The following PCDHGA4 variants were observed in gnomAD, a reference collection of about 807,000 sequenced individuals.
The protein encoded by PCDHGA4 is protocadherin gamma-A4.
Under a neutral mutation model 54.6 loss-of-function variants are expected in PCDHGA4, and 38 were observed. The observed-to-expected ratio is 0.70, with a 90% CI of 0.54 to 0.91. The LOEUF is 0.91. Ranked by LOEUF, PCDHGA4 falls within the 40% of genes least tolerant of loss-of-function variation. PCDHGA4 has a pLI of 0.00. For synonymous variants in PCDHGA4, 511 were observed against 512.9 expected (o/e 1.00, Z 0.05); for missense variants, 1,298 against 1,220.9 (o/e 1.06, Z -0.94).
intron 1 of PCDHGA4, chr5:141,403,058 C>T (rs1264463559): frequency 1.9e-6 from 3 of 1,613,942 alleles, no homozygotes; most frequent in African/African-American, 2.7e-5. Context: ...CTACTCAGTG[C>T]CTGAAGAGAC....
rs183723314 is a variant in PCDHGA4 at position 141,375,046 on chromosome 5, C to T, written c.2514+17425C>T. The T allele has an allele frequency of 2.1e-4, 333 of 1,613,912 alleles. 2 individuals are homozygous for T. The African/African-American group carries it at 4.0e-3, about 19-fold the overall frequency. The stretch of plus-strand genomic sequence containing the variant: ...GTTTTTATGAGCTGGGTGTTGAAGC[C>T]CGGGATGGGCCAGGTCTTCGAGACA... On this transcript the variant is annotated intron_variant, in intron 1 of 3. Coordinates refer to ENST00000571252, the MANE Select transcript of PCDHGA4 (RefSeq NM_018917.4).
intron 1 of PCDHGA4, chr5:141,366,577 C>A (rs376647678): frequency 1.2e-6 from 2 of 1,614,118 alleles, no homozygotes; most frequent in African/African-American, 2.7e-5. Context: ...TTCGGGCTTT[C>A]CTGCAGACCT....
chr5:141,472,095 C>T (rs1186697747), intron 1 of PCDHGA4, among the ~76,000 whole-genome samples: 1 of 151,998 alleles, frequency 6.6e-6, no homozygotes, highest in African/African-American at 2.4e-5. Flanking sequence ...TATTATTATT[C>T]CCATTTTATA....
At position 141,415,074 on chromosome 5, in the gene PCDHGA4, G is replaced by C; in HGVS notation, c.2514+57453G>C. 3 of 1,613,448 alleles carry C rather than the reference G, an allele frequency of 1.9e-6. No homozygotes were observed. In the South Asian group the frequency reaches 3.3e-5, roughly 18 times the overall value. On this transcript the variant is annotated intron_variant, in intron 1 of 3. Coordinates refer to ENST00000571252, the MANE Select transcript of PCDHGA4 (RefSeq NM_018917.4). ...AGCACACGGGCGAGGTGCGCACGGCGCGAGCCCTGCTGGACAGAGACGCGC... is the reference window on the plus strand; with the variant it reads ...AGCACACGGGCGAGGTGCGCACGGCCCGAGCCCTGCTGGACAGAGACGCGC...
chr5:141,373,015 TG>T (rs1769262754), intron 1 of PCDHGA4, among the ~76,000 whole-genome samples: 1 of 152,232 alleles, frequency 6.6e-6, no homozygotes, highest in Non-Finnish European at 1.5e-5. Flanking sequence ...AGCCTCCTTT[TG>T]ATAGTCTTGA....
At chr5:141,391,306 C>CTTTTTTTTTTTT in intron 1 of PCDHGA4, 1 of 146,116 alleles carries the variant, frequency 6.8e-6, no homozygotes. Flanking sequence ...TCTTTCGATT[C>CTTTTTTTTTTTT]TTTTTTTTTT....
In PCDHGA4 at chr5:141,512,809, A is replaced by C. The variant is rs2099884438; in HGVS notation, c.*1636A>C. ...GTGTTTTGTGCTGTGTCCACGCGCT[A>C]AGGCGACCCCCTCCCCCGTACTGAC... On this transcript the variant is annotated 3_prime_UTR_variant, in exon 4 of 4. Coordinates refer to ENST00000571252, the MANE Select transcript of PCDHGA4 (RefSeq NM_018917.4). 6.6e-6 allele frequency: 1 copy of C among 152,130 alleles called. No homozygotes were observed. The highest frequency in any genetic ancestry group is 2.4e-5 in the African/African-American group (1 of 41,404). The allele number at this position is 152,130 out of a possible 1,614,324, so 9.4% of individuals were successfully genotyped here. A position where few individuals can be genotyped will look rare whatever the true frequency, so the allele number is the denominator to read the frequency against.
intron 1 of PCDHGA4, chr5:141,362,695 T>A: frequency 1.8e-6 from 2 of 1,090,718 alleles, no homozygotes; most frequent in Non-Finnish European, 2.6e-6. Flanking sequence ...CTTATCTAAC[T>A]GAATTTTAAG....
At chr5:141,400,112 A>G in intron 1 of PCDHGA4, 1 of 1,614,034 alleles carries the variant, frequency 6.2e-7, no homozygotes. Context: ...GTCTTTGCTG[A>G]CAGCTTGCAG....
chr5:141,477,469 T>C lies in PCDHGA4; in HGVS notation c.2515-17338T>C, dbSNP rs2099411540. ...TGCGTGTTCAAGTGTCCGACATCAA[T>C]GACAACCCTCCACAATCTTCTCAAT... On this transcript the variant is annotated intron_variant, in intron 1 of 3. Coordinates refer to ENST00000571252, the MANE Select transcript of PCDHGA4 (RefSeq NM_018917.4). The surrounding 1 kb of genome is among the most constrained non-coding windows in gnomAD (Gnocchi z 4.9). 6.2e-7 allele frequency: 1 copy of C among 1,614,028 alleles called. No homozygotes were observed. Among genetic ancestry groups the C allele is most frequent in the South Asian group, 1.1e-5 (1 of 91,078 alleles).
chr5:141,427,265 C>G (rs767369457), intron 1 of PCDHGA4: 1 of 456,688 alleles, frequency 2.2e-6, no homozygotes, highest in Non-Finnish European at 4.4e-6. Context: ...GCATGACCAG[C>G]GAATGTAAAA....
In PCDHGA4 at chr5:141,471,825, A is replaced by G. The variant is rs150400990; in HGVS notation, c.2515-22982A>G. Among the ~76,000 whole-genome samples, 61 of 152,344 alleles carry G rather than the reference A, an allele frequency of 4.0e-4. No individual in the cohort carries two copies. In the East Asian group the frequency reaches 0.011, roughly 27 times the overall value. ...ACATATAAAAGACTACCTATTTTAT[A>G]ATTCCTTTTTAATAAAATATTCAGA... On this transcript the variant is annotated intron_variant, in intron 1 of 3. Coordinates refer to ENST00000571252, the MANE Select transcript of PCDHGA4 (RefSeq NM_018917.4).
chr5:141,421,357 T>A lies in PCDHGA4; in HGVS notation c.2514+63736T>A, dbSNP rs761522510. ...GGTGCCAGAAGAGACCGAAAAGGGC[T>A]CCTTCGTGGGCAATATCTCCAAGGA... On this transcript the variant is annotated intron_variant, in intron 1 of 3. Coordinates refer to ENST00000571252, the MANE Select transcript of PCDHGA4 (RefSeq NM_018917.4). 4.3e-6 allele frequency: 7 copies of A among 1,613,976 alleles called. 1 individual carries two copies. The South Asian group carries it at 7.7e-5, about 18-fold the overall frequency.
chr5:141,505,270 G>A (rs550800630), intron 2 of PCDHGA4, 123 bp from the exon 3 acceptor site: 103 of 1,520,724 alleles, frequency 6.8e-5, no homozygotes, highest in Middle Eastern at 4.6e-4. Context: ...CTTGCTGAGA[G>A]AAACAGGTCT....
At chr5:141,495,960 C>G (rs1380397345) in intron 2 of PCDHGA4, among the ~76,000 whole-genome samples, 2 of 151,998 alleles carry the variant, frequency 1.3e-5, no homozygotes, top group East Asian at 3.9e-4. Context: ...CTTTTTCTGC[C>G]TCTTTCTCTG....
At chr5:141,389,585 C>G in intron 1 of PCDHGA4, 1 of 1,613,182 alleles carries the variant, frequency 6.2e-7, no homozygotes, top group Non-Finnish European at 8.5e-7. Context: ...CGCTGGGTCC[C>G]GACGGCTCTG....
Position 141,476,461 on chromosome 5 carries a change from G to T in PCDHGA4, c.2515-18346G>T. On this transcript the variant is annotated intron_variant, in intron 1 of 3. Transcript: ENST00000571252. This position sits in a 1 kb window ranked among gnomAD's most constrained non-coding sequence, Gnocchi z 7.6. The stretch of plus-strand genomic sequence containing the variant: ...CTCTGGAGTTGGTAGTGGAGAACCC[G>T]CTGGAGCTGTTCAGCGTGGAAGTGG... The T allele has an allele frequency of 6.2e-7, 1 of 1,614,122 alleles. No homozygotes were observed. Among genetic ancestry groups the T allele is most frequent in the Non-Finnish European group, 8.5e-7 (1 of 1,180,022 alleles).
chr5:141,375,444 A>C, intron 1 of PCDHGA4: 4 of 1,613,844 alleles, frequency 2.5e-6, no homozygotes, highest in Non-Finnish European at 3.4e-6. Context: ...ACCTTCCCCC[A>C]TTCATCCTAC....
In PCDHGA4 at chr5:141,406,055, T is replaced by C. The variant is rs2094752189; in HGVS notation, c.2514+48434T>C. 5.3e-5 allele frequency among the ~76,000 whole-genome samples: 8 copies of C among 150,380 alleles called. No individual in the cohort carries two copies. In the South Asian group the frequency reaches 1.5e-3, roughly 28 times the overall value. On this transcript the variant is annotated intron_variant, in intron 1 of 3. Transcript: ENST00000571252. ...CTTCATTGGTTGCAGTGGACTCATA[T>C]CATAAAATTCTTACTCCTTTTTTTT...
Sources: allele counts gnomAD v4.1 joint callset (sites outside exome capture counted in the v4.1 genomes callset), GRCh38; gene constraint gnomAD v4.1.1; non-coding constraint Gnocchi (gnomAD v3.1); transcripts MANE v1.5; gene names NCBI Gene and HGNC (gene_info 2026-07-23, HGNC 2026-07-21).